Variants in PRH1 observed in about 807,000 individuals in gnomAD.
PRH1 encodes proline rich protein HaeIII subfamily 1, also known as salivary acidic proline-rich phosphoprotein 1/2.
A neutral mutation model predicts 7.9 loss-of-function variants in PRH1; 7 were observed. That is an observed-to-expected ratio of 0.89 (90% confidence interval 0.50 to 1.67). The LOEUF (loss-of-function observed/expected upper bound fraction) is 1.67. Among genes scored for constraint, PRH1 ranks in the 40% most tolerant of loss-of-function variants. PRH1 has a pLI of 0.00. For synonymous variants in PRH1, 45 were observed against 80.8 expected (o/e 0.56, Z 2.38); for missense variants, 109 against 223.6 (o/e 0.49, Z 3.27).
upstream of PRH1, chr12:11,047,233 G>T: frequency 6.2e-6 from 2 of 320,124 alleles, no homozygotes; most frequent in East Asian, 7.6e-5. Flanking sequence ...TGCTTGAGGA[G>T]CCTCAGCTCA....
At chr12:11,044,036 A>G (rs996881304) in intron 1 of PRH1, among the ~76,000 whole-genome samples, 6 of 152,344 alleles carry the variant, frequency 3.9e-5, no homozygotes, top group Admixed American at 3.9e-4. Flanking sequence ...ACCTGACTTC[A>G]TATTATACTA....
intron 2 of PRH1, among the ~76,000 whole-genome samples, chr12:10,928,038 T>C (rs1246187222): frequency 2.6e-5 from 4 of 152,222 alleles, no homozygotes; most frequent in East Asian, 3.9e-4. Flanking sequence ...CCATACACCA[T>C]TGCTTAGAAG....
chr12:11,112,985 G>T (rs1196832967), intron 1 of PRH1, among the ~76,000 whole-genome samples: 2 of 152,054 alleles, frequency 1.3e-5, no homozygotes, highest in Non-Finnish European at 2.9e-5. Context: ...AAATTCACAA[G>T]CATTCCTATA....
At chr12:11,035,142 A>G (rs902065541) in intron 1 of PRH1, among the ~76,000 whole-genome samples, 3 of 151,534 alleles carry the variant, frequency 2.0e-5, no homozygotes, top group African/African-American at 7.3e-5. Context: ...CTGTCATTTT[A>G]TGTTAATTTG....
In PRH1 at chr12:10,932,268, A is replaced by G. The variant is rs575554682; in HGVS notation, c.-59+41387T>C. ...GACAGTGTTTCAAATGCCTTGAAAC[A>G]TAATGTGATCATGCTCTAACTTCAA... On this transcript the variant is annotated intron_variant, in intron 2 of 3. Transcript: ENST00000539853. The G allele has an allele frequency of 1.5e-3, 651 of 424,538 alleles. 9 individuals carry two copies. The highest frequency in any genetic ancestry group is 0.01 in the South Asian group (636 of 61,640). 26.3% of individuals were successfully genotyped at this position (424,538 alleles called of 1,614,324 possible). A position where few individuals can be genotyped will look rare whatever the true frequency, so the allele number is the denominator to read the frequency against.
intron 2 of PRH1, among the ~76,000 whole-genome samples, chr12:10,941,029 G>A (rs80151998): frequency 2.8e-3 from 431 of 152,212 alleles, no homozygotes; most frequent in Non-Finnish European, 4.2e-3. Context: ...AAGTACAAAC[G>A]TACTATCCAC....
chr12:10,946,375 G>T (rs1018660217), intron 2 of PRH1, among the ~76,000 whole-genome samples: 2 of 151,950 alleles, frequency 1.3e-5, no homozygotes, highest in African/African-American at 2.4e-5. Context: ...AGCAGGGAGG[G>T]TGTATGTGTC....
At chr12:11,153,694 TATG>T (rs1318703357) in intron 1 of PRH1, among the ~76,000 whole-genome samples, 2 of 152,120 alleles carry the variant, frequency 1.3e-5, no homozygotes, top group African/African-American at 2.4e-5. Context: ...TGTTTAAATA[TATG>T]ATAACACTCA....
chr12:10,932,132 G>A (rs1257986812), intron 2 of PRH1: 2 of 348,286 alleles, frequency 5.7e-6, no homozygotes, highest in Non-Finnish European at 1.3e-5. Flanking sequence ...GCAAAAGGAT[G>A]GTTTTGCATC....
chr12:11,003,114 C>T (rs894980603), intron 1 of PRH1, among the ~76,000 whole-genome samples: 12 of 151,874 alleles, frequency 7.9e-5, no homozygotes, highest in African/African-American at 2.9e-4. Flanking sequence ...TGTACACTTC[C>T]TGCTTATATC....
At chr12:10,895,745 A>C (rs1371464810) in intron 2 of PRH1, 1 of 152,238 alleles carries the variant, frequency 6.6e-6, no homozygotes, top group Non-Finnish European at 1.5e-5. Context: ...GTTGAGAATA[A>C]AATCAATCAG....
At position 11,021,918 on chromosome 12, in the gene PRH1, A is replaced by C. The variant is rs1430085495; in HGVS notation, c.-126+25102T>G. ...CTTTTATATGGACCTTGGTGCTGGG[A>C]TCTTGAGATCCTTTGCTATGGAGCC... On this transcript the variant is annotated intron_variant, in intron 1 of 3. Coordinates refer to the PRH1 transcript ENST00000539853. The C allele has an allele frequency of 1.9e-6, 3 of 1,614,192 alleles. No individual in the cohort carries two copies. In the East Asian group the frequency reaches 6.7e-5, roughly 36 times the overall value.
intron 1 of PRH1, among the ~76,000 whole-genome samples, chr12:11,153,617 T>C (rs1202481128): frequency 6.6e-6 from 1 of 152,114 alleles, no homozygotes; most frequent in African/African-American, 2.4e-5. Context: ...TGTAATGAGT[T>C]ACCTTGAGCT....
intron 1 of PRH1, among the ~76,000 whole-genome samples, chr12:11,103,196 TAA>T (rs1945307786): frequency 6.6e-6 from 1 of 151,520 alleles, no homozygotes; most frequent in African/African-American, 2.4e-5. Context: ...ACTGGATATA[TAA>T]ACGAAGGATT....
At chr12:11,031,167 C>A in intron 1 of PRH1, 1 of 1,614,154 alleles carries the variant, frequency 6.2e-7, no homozygotes, top group Non-Finnish European at 8.5e-7. Context: ...CAGAGCAAAC[C>A]AACTCTGGAG....
At chr12:10,938,427 G>T in intron 2 of PRH1, 1 of 1,613,992 alleles carries the variant, frequency 6.2e-7, no homozygotes, top group African/African-American at 1.3e-5. Flanking sequence ...AGAATAATTA[G>T]ATTTTCCTCC....
At chr12:11,104,036 C>T (rs1258702688) in intron 1 of PRH1, among the ~76,000 whole-genome samples, 3 of 152,048 alleles carry the variant, frequency 2.0e-5, no homozygotes, top group Non-Finnish European at 1.5e-5. Context: ...TGCTGTACCA[C>T]CACTACCACT....
intron 2 of PRH1, among the ~76,000 whole-genome samples, chr12:10,903,346 C>G (rs1401516626): frequency 6.6e-6 from 1 of 151,888 alleles, no homozygotes; most frequent in African/African-American, 2.4e-5. Context: ...ATTGGAGCAC[C>G]AAGATTCATG....
intron 1 of PRH1, among the ~76,000 whole-genome samples, chr12:10,991,436 A>C (rs1018433937): frequency 1.3e-5 from 2 of 152,158 alleles, no homozygotes. Context: ...TTAATTAGCT[A>C]TCTGGTCACC....
Sources: gnomAD v4.1 joint callset for allele counts (sites outside exome capture counted in the v4.1 genomes callset) on GRCh38, gnomAD v4.1.1 for gene constraint, MANE v1.5 for transcripts, NCBI Gene and HGNC (gene_info 2026-07-23, HGNC 2026-07-21) for gene names.